KLHL28: variants seen among roughly 807,000 people sequenced by gnomAD.
KLHL28 encodes kelch-like protein 28.
KLHL28 carries 22 observed loss-of-function variants against 48.3 expected under a neutral mutation model. The observed-to-expected ratio is 0.46, with a 90% CI of 0.33 to 0.65. KLHL28 has a LOEUF of 0.65. KLHL28 is among the 30% of genes least tolerant of loss of function. The pLI, the probability that KLHL28 is intolerant of heterozygous loss-of-function variation, is 0.03. For synonymous variants in KLHL28, 243 were observed against 242.4 expected, an observed-to-expected ratio of 1.00 and a Z score of -0.02; for missense variants, 527 against 704.3, an observed-to-expected ratio of 0.75 and a Z score of 2.85.
In KLHL28 at chr14:44,925,821, C is replaced by A. The variant is rs995092234; in HGVS notation, c.*3207G>T. On this transcript the variant is annotated 3_prime_UTR_variant, in exon 5 of 5. Transcript: ENST00000396128. ...ATATCCTTGGAGCTACATTAAAAGC[C>A]ACTTACATTCTATTACAACATCCAA... The A allele has an allele frequency of 6.6e-6, 1 of 152,086 alleles. No individual in the cohort carries two copies. The highest frequency in any genetic ancestry group is 6.6e-5 in the Admixed American group (1 of 15,264). The allele number at this position is 152,086 out of a possible 1,614,324, so 9.4% of individuals were successfully genotyped here.
intron 1 of KLHL28, among the ~76,000 whole-genome samples, chr14:44,954,651 A>T (rs2138664064): frequency 6.6e-6 from 1 of 152,198 alleles, no homozygotes; most frequent in East Asian, 1.9e-4. Flanking sequence ...AAAAAAAGGA[A>T]ATTTTACACA....
At chr14:44,934,676 C>G (rs576304105) in intron 2 of KLHL28, 118 bp from the exon 3 acceptor site, 1 of 750,132 alleles carries the variant, frequency 1.3e-6, no homozygotes, top group South Asian at 2.5e-5. Context: ...TAAACCATGA[C>G]ACACCTTCCA....
chr14:44,957,734 A>G (rs976476947), intron 1 of KLHL28, among the ~76,000 whole-genome samples: 7 of 152,214 alleles, frequency 4.6e-5, no homozygotes, highest in African/African-American at 1.7e-4. Flanking sequence ...TGTGAGGCAC[A>G]GAGAAATTAA....
rs1032682688 is a variant in KLHL28 at position 44,927,532 on chromosome 14, C to T, written c.*1496G>A. On this transcript the variant is annotated 3_prime_UTR_variant, in exon 5 of 5. Transcript: ENST00000396128. ...GACTACAGTTCCAAAATACAAGTACCGACATAATAATAAAATGCAAGTGAA... is the reference window on the plus strand; with the variant it reads ...GACTACAGTTCCAAAATACAAGTACTGACATAATAATAAAATGCAAGTGAA... The T allele has an allele frequency of 6.6e-6, 1 of 152,018 alleles. No individual in the cohort carries two copies. The highest frequency in any genetic ancestry group is 2.1e-4 in the South Asian group (1 of 4,808). 9.4% of individuals were successfully genotyped at this position (152,018 alleles called of 1,614,324 possible).
At chr14:44,952,220 A>G (rs1023933367) in intron 1 of KLHL28, among the ~76,000 whole-genome samples, 3 of 152,190 alleles carry the variant, frequency 2.0e-5, no homozygotes, top group Non-Finnish European at 4.4e-5. Flanking sequence ...ATGACTTTAG[A>G]AAAATGCACA....
At position 44,945,298 on chromosome 14, in the gene KLHL28, G is replaced by C. The variant is rs767083749; in HGVS notation, c.631C>G (p.Gln211Glu). 3 of 1,614,096 alleles carry C rather than the reference G, an allele frequency of 1.9e-6. No individual in the cohort carries two copies. The highest frequency in any genetic ancestry group is 2.5e-6 in the Non-Finnish European group (3 of 1,180,008). Residue 211 changes from glutamine (Q) to glutamate (E), a missense_variant, in exon 2 of 5, where the codon CAA becomes GAA. Physicochemically the swap from Gln to Glu is conservative, Grantham distance 29. Transcript: ENST00000396128. ...ALESWIKYDV[Q>E]ERQKYLAQLL... ...TGTGCTAAGTATTTCTGGCGTTCTTGTACATCATACTTGATCCAAGACTCT... is the reference window on the plus strand; with the variant it reads ...TGTGCTAAGTATTTCTGGCGTTCTTCTACATCATACTTGATCCAAGACTCT...
At chr14:44,961,040 G>T in intron 1 of KLHL28, 1 of 614,076 alleles carries the variant, frequency 1.6e-6, no homozygotes, top group Non-Finnish European at 2.9e-6. Flanking sequence ...AAGCATTCAG[G>T]CTCACACTAG....
intron 2 of KLHL28, among the ~76,000 whole-genome samples, chr14:44,941,269 T>C (rs1884061360): frequency 6.6e-6 from 1 of 152,164 alleles, no homozygotes; most frequent in Admixed American, 6.5e-5. Context: ...TTCAGTTTAT[T>C]TCCTTACTTT....
At chr14:44,931,638 T>C (rs1342610741) in intron 3 of KLHL28, 97 bp from the exon 4 acceptor site, 1 of 830,846 alleles carries the variant, frequency 1.2e-6, no homozygotes, top group African/African-American at 1.7e-5. Flanking sequence ...AAAGTTCACA[T>C]AATAGAGAGA....
In KLHL28 at chr14:44,945,911, C is replaced by G. The variant is rs534416217; in HGVS notation, c.18G>C (p.Pro6=). The change falls in exon 2 of 5, where the codon CCG becomes CCC. Residue 6 remains proline, a synonymous_variant. Coordinates refer to ENST00000396128, the MANE Select transcript of KLHL28 (RefSeq NM_017658.5). MDHTS[P]TYMLANLTHL... ...GGGTTAAGTTAGCAAGCATGTAGGT[C>G]GGGGATGTGTGGTCCATCTACAGAA... 1.2e-6 allele frequency: 2 copies of G among 1,612,316 alleles called. No homozygotes were observed. Among genetic ancestry groups the G allele is most frequent in the African/African-American group, 2.7e-5 (2 of 74,866 alleles).
intron 2 of KLHL28, among the ~76,000 whole-genome samples, chr14:44,939,707 C>T (rs1353602486): frequency 6.6e-6 from 1 of 152,148 alleles, no homozygotes; most frequent in Non-Finnish European, 1.5e-5. Context: ...ACATTTCTAT[C>T]AACATTCTGA....
intron 1 of KLHL28, among the ~76,000 whole-genome samples, chr14:44,953,866 G>A (rs1365269470): frequency 1.3e-5 from 2 of 152,004 alleles, no homozygotes; most frequent in Non-Finnish European, 2.9e-5. Flanking sequence ...AGGTAAAACT[G>A]ATTACATTTT....
At chr14:44,940,399 TTGAGA>T (rs1193820169) in intron 2 of KLHL28, among the ~76,000 whole-genome samples, 3 of 152,224 alleles carry the variant, frequency 2.0e-5, no homozygotes. Context: ...GTTTATAGTG[TTGAGA>T]TGAGTGATGT....
intron 2 of KLHL28, among the ~76,000 whole-genome samples, chr14:44,935,563 G>T (rs1296998931): frequency 6.6e-6 from 1 of 151,806 alleles, no homozygotes; most frequent in Non-Finnish European, 1.5e-5. Flanking sequence ...CACAAACATT[G>T]TTCAGTGAAA....
chr14:44,949,721 T>C (rs1884494194), intron 1 of KLHL28, among the ~76,000 whole-genome samples: 1 of 152,054 alleles, frequency 6.6e-6, no homozygotes, highest in Non-Finnish European at 1.5e-5. Flanking sequence ...ATGTAAAAAT[T>C]CTATAGCAGA....
At chr14:44,932,927 T>G (rs1371896798) in intron 3 of KLHL28, among the ~76,000 whole-genome samples, 3 of 152,196 alleles carry the variant, frequency 2.0e-5, no homozygotes, top group Non-Finnish European at 4.4e-5. Context: ...GCCATCACTT[T>G]CTCAGTCAAC....
intron 1 of KLHL28, among the ~76,000 whole-genome samples, chr14:44,957,028 T>C (rs1011008629): frequency 1.3e-5 from 2 of 152,198 alleles, no homozygotes; most frequent in Admixed American, 6.5e-5. Flanking sequence ...TCTCACTATT[T>C]GTCCAGGCTG....
rs1466606611 is a variant in KLHL28 at position 44,961,877 on chromosome 14, G to A, written c.-32C>T. ...CTCAGTAATCACACGGGCAGCGACA[G>A]GAGGAGGAACCGCGGACAACTGGAG... On this transcript the variant is annotated 5_prime_UTR_variant, in exon 1 of 5. Coordinates refer to ENST00000396128, the MANE Select transcript of KLHL28 (RefSeq NM_017658.5). The A allele has an allele frequency of 2.6e-5, 4 of 153,022 alleles. No individual in the cohort carries two copies. Among genetic ancestry groups the A allele is most frequent in the South Asian group, 4.1e-4 (2 of 4,874 alleles). 9.5% of individuals were successfully genotyped at this position (153,022 alleles called of 1,614,324 possible).
intron 2 of KLHL28, 74 bp from the exon 3 acceptor site, chr14:44,934,632 T>A: frequency 8.7e-7 from 1 of 1,144,020 alleles, no homozygotes; most frequent in Non-Finnish European, 1.2e-6. Flanking sequence ...TTTAATCTTA[T>A]TAGTAATCAG....
Sources: allele counts gnomAD v4.1 joint callset (sites outside exome capture counted in the v4.1 genomes callset), GRCh38; gene constraint gnomAD v4.1.1; transcripts MANE v1.5; gene names NCBI Gene and HGNC (gene_info 2026-07-23, HGNC 2026-07-21).